GRAP2: variants seen among roughly 807,000 people sequenced by gnomAD.
The protein encoded by GRAP2 is GRB2-related adapter protein 2.
In GRAP2, 31 loss-of-function variants were observed where a neutral mutation model predicts 43.5. The observed-to-expected ratio is 0.71, with a 90% CI of 0.54 to 0.96. GRAP2 has a LOEUF of 0.96. GRAP2 is among the 40% of genes least tolerant of loss of function. GRAP2 has a pLI of 0.00. For synonymous variants in GRAP2, 156 were observed against 164.8 expected (o/e 0.95, Z 0.41); for missense variants, 371 against 424.4 (o/e 0.87, Z 1.11).
intron 1 of GRAP2, among the ~76,000 whole-genome samples, chr22:39,940,833 T>A (rs2066861392): frequency 6.6e-6 from 1 of 152,182 alleles, no homozygotes; most frequent in Non-Finnish European, 1.5e-5. Context: ...GTCTTTGAAA[T>A]GTTAAAATTG....
intron 6 of GRAP2, among the ~76,000 whole-genome samples, chr22:39,969,081 A>G (rs565578341): frequency 3.5e-4 from 53 of 152,318 alleles, no homozygotes; most frequent in African/African-American, 1.2e-3. Flanking sequence ...TTAAATGTGC[A>G]TGGTTCCCCC....
At chr22:39,958,314 A>G (rs1478376995) in intron 3 of GRAP2, among the ~76,000 whole-genome samples, 1 of 151,982 alleles carries the variant, frequency 6.6e-6, no homozygotes, top group Non-Finnish European at 1.5e-5. Flanking sequence ...CATACCTTAC[A>G]TTAATCTCCC....
chr22:39,940,915 C>T (rs1326032742), intron 1 of GRAP2, among the ~76,000 whole-genome samples: 4 of 152,166 alleles, frequency 2.6e-5, no homozygotes, highest in African/African-American at 4.8e-5. Flanking sequence ...TACCGGGACT[C>T]AAGATGCAAA....
chr22:39,907,067 T>A (rs182656329), intron 1 of GRAP2, among the ~76,000 whole-genome samples: 54 of 152,316 alleles, frequency 3.5e-4, no homozygotes, highest in Admixed American at 1.6e-3. Flanking sequence ...AAAATATAGA[T>A]CATTAAATCG....
At chr22:39,939,510 G>A (rs934564507) in intron 1 of GRAP2, among the ~76,000 whole-genome samples, 6 of 141,064 alleles carry the variant, frequency 4.3e-5, no homozygotes, top group African/African-American at 1.4e-4. Flanking sequence ...TGCAGTGAGT[G>A]GAGATCTTGC....
At chr22:39,942,267 C>T (rs748493561) in intron 1 of GRAP2, among the ~76,000 whole-genome samples, 1 of 152,020 alleles carries the variant, frequency 6.6e-6, no homozygotes, top group African/African-American at 2.4e-5. Context: ...CTTGTCAATT[C>T]GACTGGGGGA....
chr22:39,960,080 C>T lies in GRAP2; in HGVS notation c.196C>T (p.His66Tyr), dbSNP rs769770976. 6.2e-7 allele frequency: 1 copy of T among 1,613,112 alleles called. No homozygotes were observed. The highest frequency in any genetic ancestry group is 8.5e-7 in the Non-Finnish European group (1 of 1,179,040). Residue 66 changes from histidine (H) to tyrosine (Y), a missense_variant, in exon 4 of 8, where the codon CAC (histidine) becomes TAC (tyrosine). His to Tyr is a moderately conservative substitution (Grantham distance 83, BLOSUM62 2). Transcript: ENST00000344138. ...PKWFHEGLSR[H>Y]QAENLLMGKE... The stretch of plus-strand genomic sequence containing the variant: ...ATGGTTTCACGAAGGCCTCTCTCGA[C>T]ACCAGGCAGAGAACTTACTCATGGG...
At chr22:39,945,888 T>C (rs2066917174) in intron 1 of GRAP2, among the ~76,000 whole-genome samples, 2 of 152,204 alleles carry the variant, frequency 1.3e-5, no homozygotes, top group African/African-American at 2.4e-5. Context: ...TGAGACAGAG[T>C]CTTGCTCTGT....
chr22:39,944,743 C>G (rs73885624), intron 1 of GRAP2, among the ~76,000 whole-genome samples: 1 of 152,230 alleles, frequency 6.6e-6, no homozygotes, highest in Non-Finnish European at 1.5e-5. Context: ...CAAGCCTGAG[C>G]TGAGTTACAT....
intron 1 of GRAP2, among the ~76,000 whole-genome samples, chr22:39,932,836 T>A (rs2066769781): frequency 6.6e-6 from 1 of 152,134 alleles, no homozygotes; most frequent in Non-Finnish European, 1.5e-5. Context: ...CCCAAGAACA[T>A]TATGAGGCAG....
intron 1 of GRAP2, among the ~76,000 whole-genome samples, chr22:39,944,511 C>T (rs6001708): frequency 0.032 from 4,885 of 152,194 alleles, 248 homozygotes; most frequent in African/African-American, 0.11. Flanking sequence ...TTTTTCAAAG[C>T]GATTTTATAA....
At chr22:39,938,976 G>A (rs2066836505) in intron 1 of GRAP2, among the ~76,000 whole-genome samples, 1 of 152,164 alleles carries the variant, frequency 6.6e-6, no homozygotes, top group Non-Finnish European at 1.5e-5. Flanking sequence ...CTCATACTGG[G>A]GGATTTATGC....
At chr22:39,911,338 A>G (rs1378771161) in intron 1 of GRAP2, among the ~76,000 whole-genome samples, 3 of 152,096 alleles carry the variant, frequency 2.0e-5, no homozygotes, top group African/African-American at 7.2e-5. Flanking sequence ...AGTGCCATAA[A>G]GCATATCTGC....
intron 1 of GRAP2, chr22:39,926,779 A>G (rs1435149418): frequency 4.1e-6 from 4 of 985,118 alleles, no homozygotes; most frequent in Non-Finnish European, 4.8e-6. Flanking sequence ...ATAGAGAGAC[A>G]GCAGGTTCGC....
chr22:39,897,051 G>T (rs906788111), upstream of GRAP2, among the ~76,000 whole-genome samples: 5 of 152,160 alleles, frequency 3.3e-5, no homozygotes, highest in African/African-American at 1.2e-4. Context: ...CACAGGTAGT[G>T]TTATCCACTT....
chr22:39,959,749 A>G (rs1034046105), intron 3 of GRAP2, among the ~76,000 whole-genome samples: 1 of 152,164 alleles, frequency 6.6e-6, no homozygotes, highest in Non-Finnish European at 1.5e-5. Context: ...TGCTTCCTGC[A>G]GTGAGTCACT....
At chr22:39,910,083 G>C (rs1000121576) in intron 1 of GRAP2, among the ~76,000 whole-genome samples, 5 of 152,074 alleles carry the variant, frequency 3.3e-5, no homozygotes, top group Admixed American at 3.3e-4. Context: ...CTTAGTTCTT[G>C]TAACCACTCC....
At chr22:39,969,725 C>T (rs1044869393) in intron 7 of GRAP2, among the ~76,000 whole-genome samples, 192 bp downstream of exon 7, 11 of 152,110 alleles carry the variant, frequency 7.2e-5, no homozygotes, top group African/African-American at 1.9e-4. Context: ...ACCAGCCTGG[C>T]CAACATGGTG....
chr22:39,938,110 G>A (rs2066825048), intron 1 of GRAP2, among the ~76,000 whole-genome samples: 1 of 152,190 alleles, frequency 6.6e-6, no homozygotes, highest in African/African-American at 2.4e-5. Context: ...AGGCAGGGGA[G>A]GGGATAGGCC....
Sources: gnomAD v4.1 joint callset for allele counts (sites outside exome capture counted in the v4.1 genomes callset) on GRCh38, gnomAD v4.1.1 for gene constraint, MANE v1.5 for transcripts, NCBI Gene and HGNC (gene_info 2026-07-23, HGNC 2026-07-21) for gene names.